The following HOOK3 variants were observed in gnomAD, a reference collection of about 807,000 sequenced individuals.
HOOK3 encodes hook microtubule tethering protein 3.
HOOK3 carries 24 observed loss-of-function variants against 116.3 expected under a neutral mutation model. The ratio of observed to expected loss-of-function variants is 0.21; its 90% CI spans 0.15 to 0.29. The LOEUF (loss-of-function observed/expected upper bound fraction) is 0.29. HOOK3 is among the 10% of genes least tolerant of loss of function. HOOK3 has a pLI of 1.00. For synonymous variants in HOOK3, 275 were observed against 283.0 expected, an observed-to-expected ratio of 0.97 and a Z score of 0.28; for missense variants, 632 against 830.2, an observed-to-expected ratio of 0.76 and a Z score of 2.93.
intron 8 of HOOK3, among the ~76,000 whole-genome samples, chr8:42,963,957 C>G (rs2130420351): frequency 6.6e-6 from 1 of 152,340 alleles, no homozygotes; most frequent in East Asian, 1.9e-4. Context: ...CCTGTAATCC[C>G]AGCACTTTGG....
intron 2 of HOOK3, among the ~76,000 whole-genome samples, chr8:42,924,933 A>G (rs1056420014): frequency 6.6e-6 from 1 of 151,620 alleles, no homozygotes; most frequent in Non-Finnish European, 1.5e-5. Flanking sequence ...AGATCACACC[A>G]TTGCACTCCA....
At position 42,897,068 on chromosome 8, in the gene HOOK3, C is replaced by A. The variant is rs1004791376; in HGVS notation, c.-64C>A. 8.4e-7 allele frequency: 1 copy of A among 1,190,564 alleles called. No homozygotes were observed. Among genetic ancestry groups the A allele is most frequent in the South Asian group, 4.2e-5 (1 of 23,536 alleles). 73.8% of individuals were successfully genotyped at this position (1,190,564 alleles called of 1,614,324 possible). ...GAGTCAGCTGCGCGGGCCCCCGGAT[C>A]CCCCGACAGAGCGGCGGCGGTGTCT... On this transcript the variant is annotated 5_prime_UTR_variant, in exon 1 of 22. Transcript: ENST00000307602.
At chr8:43,000,258 G>A (rs1490055789) in intron 16 of HOOK3, 7 of 1,285,912 alleles carry the variant, frequency 5.4e-6, no homozygotes, top group Non-Finnish European at 7.1e-6. Context: ...TCTTGGCATG[G>A]TTTCTGCTCA....
intron 2 of HOOK3, among the ~76,000 whole-genome samples, chr8:42,911,458 A>G (rs545326561): frequency 6.6e-6 from 1 of 152,308 alleles, no homozygotes; most frequent in South Asian, 2.1e-4. Flanking sequence ...CTCAAAAAAA[A>G]GACATAATCT....
chr8:43,005,941 C>A (rs1586631380), intron 17 of HOOK3, among the ~76,000 whole-genome samples: 1 of 149,488 alleles, frequency 6.7e-6, no homozygotes, highest in Non-Finnish European at 1.5e-5. Context: ...GTGATCCACC[C>A]GCCTTGGCCT....
rs1809802609 is a variant in HOOK3, at chr8:43,020,430, G to T, written c.*1932G>T. On this transcript the variant is annotated 3_prime_UTR_variant, in exon 22 of 22. Transcript: ENST00000307602. ...GATCCAACTATTTTTAAAGCAAATT[G>T]GGGCCAGACGTGGTGCCTCACGCCT... is the stretch of plus-strand genomic sequence containing the variant. The T allele has an allele frequency of 1.1e-5, 2 of 188,644 alleles. No individual in the cohort carries two copies. The highest frequency in any genetic ancestry group is 3.9e-4 in the South Asian group (2 of 5,112). The allele number at this position is 188,644 out of a possible 1,614,324, so 11.7% of individuals were successfully genotyped here.
Position 43,012,927 on chromosome 8 carries a change from T to G in HOOK3, c.1840-124T>G, listed in dbSNP as rs1190616465. The G allele has an allele frequency of 7.6e-6, 5 of 656,674 alleles. No individual in the cohort carries two copies. The East Asian group carries it at 1.5e-4, about 20-fold the overall frequency. The allele number at this position is 656,674 out of a possible 1,614,324, so 40.7% of individuals were successfully genotyped here. ...GCATTTACTTTTTAAAATACCCTTG[T>G]AAGATAACCTTTGATTTTTCATAAG... On this transcript the variant is annotated intron_variant, in intron 19 of 21. Transcript: ENST00000307602.
intron 2 of HOOK3, among the ~76,000 whole-genome samples, chr8:42,909,290 G>C (rs1157122340): frequency 6.6e-6 from 1 of 152,204 alleles, no homozygotes; most frequent in Admixed American, 6.5e-5. Flanking sequence ...TCCCACTTTT[G>C]TGTATATAGC....
intron 4 of HOOK3, among the ~76,000 whole-genome samples, chr8:42,938,074 T>A (rs999950105): frequency 6.6e-6 from 1 of 152,220 alleles, no homozygotes; most frequent in Admixed American, 6.5e-5. Flanking sequence ...TGGGTGCTCC[T>A]GTATTGGGTG....
chr8:43,003,439 TA>T (rs558088356), intron 17 of HOOK3, among the ~76,000 whole-genome samples: 73 of 150,780 alleles, frequency 4.8e-4, no homozygotes, highest in African/African-American at 1.7e-3. Flanking sequence ...TTCTGTCCTT[TA>T]AAAAAAAAAT....
chr8:42,982,684 C>A lies in HOOK3; in HGVS notation c.1379C>A (p.Thr460Lys). 6.2e-7 allele frequency: 1 copy of A among 1,610,086 alleles called. No homozygotes were observed. The highest frequency in any genetic ancestry group is 1.7e-4 in the Middle Eastern group (1 of 6,056). ...GACAGTCTAGCTGCAGAGATTGTTA[C>A]ACCTGAAATCAGGTAAGGAGATTGT... Reference protein sequence around the residue: ...SSDSLAAEIVTPEIREKLIRL... With the variant: ...SSDSLAAEIVKPEIREKLIRL... The change falls in exon 14 of 22, where the codon ACA becomes AAA. Residue 460 changes from threonine to lysine, a missense_variant. By Grantham distance (78) the Thr-to-Lys change is moderately conservative. Transcript: ENST00000307602.
intron 5 of HOOK3, among the ~76,000 whole-genome samples, chr8:42,947,291 G>C (rs1341051053): frequency 1.3e-5 from 2 of 152,150 alleles, no homozygotes; most frequent in African/African-American, 2.4e-5. Flanking sequence ...GAAGTTGATT[G>C]ATATCAGATA....
chr8:43,013,525 A>T, intron 21 of HOOK3, 125 bp downstream of exon 21: 1 of 706,128 alleles, frequency 1.4e-6, no homozygotes, highest in Non-Finnish European at 2.2e-6. Flanking sequence ...CCTAACATAC[A>T]CTAACAGAAT....
chr8:43,030,344 A>G lies in HOOK3; in HGVS notation c.*11846A>G, dbSNP rs919900321. On this transcript the variant is annotated 3_prime_UTR_variant, in exon 22 of 22. Transcript: ENST00000307602. ...ATCATTTACTCATTTTAATTTTACGACTGCCAACTTGTTACGGTATTAATT... is the reference window on the plus strand; with the variant it reads ...ATCATTTACTCATTTTAATTTTACGGCTGCCAACTTGTTACGGTATTAATT... The G allele has an allele frequency of 5.5e-6, 1 of 182,992 alleles. No individual in the cohort carries two copies. The highest frequency in any genetic ancestry group is 1.2e-5 in the Non-Finnish European group (1 of 85,980). The allele number at this position is 182,992 out of a possible 1,614,324, so 11.3% of individuals were successfully genotyped here.
rs1473393527 is a variant in HOOK3, at chr8:43,020,429, T to C, written c.*1931T>C. 1 of 188,986 alleles carries C rather than the reference T, an allele frequency of 5.3e-6. No homozygotes were observed. The highest frequency in any genetic ancestry group is 1.1e-5 in the Non-Finnish European group (1 of 89,946). 11.7% of individuals were successfully genotyped at this position (188,986 alleles called of 1,614,324 possible). A position where few individuals can be genotyped will look rare whatever the true frequency, so the allele number is the denominator to read the frequency against. Reference sequence around the variant, plus strand: ...GGATCCAACTATTTTTAAAGCAAATTGGGGCCAGACGTGGTGCCTCACGCC... The same window carrying C: ...GGATCCAACTATTTTTAAAGCAAATCGGGGCCAGACGTGGTGCCTCACGCC... On this transcript the variant is annotated 3_prime_UTR_variant, in exon 22 of 22. Coordinates refer to ENST00000307602, the MANE Select transcript of HOOK3 (RefSeq NM_032410.4).
intron 2 of HOOK3, among the ~76,000 whole-genome samples, chr8:42,911,769 T>A (rs908588024): frequency 6.6e-6 from 1 of 152,120 alleles, no homozygotes; most frequent in Non-Finnish European, 1.5e-5. Context: ...GCAAATACAC[T>A]GAAGACAGTA....
intron 1 of HOOK3, 142 bp downstream of exon 1, chr8:42,897,330 C>G: frequency 2.1e-6 from 1 of 473,198 alleles, no homozygotes; most frequent in Non-Finnish European, 3.4e-6. Context: ...CGAGGAGGCT[C>G]GGCCCAGGGT....
Position 42,930,112 on chromosome 8 carries a change from C to G in HOOK3, c.217-10C>G. The G allele has an allele frequency of 6.4e-7, 1 of 1,553,434 alleles. No individual in the cohort carries two copies. The highest frequency in any genetic ancestry group is 1.3e-5 in the South Asian group (1 of 79,686). On this transcript the variant is annotated splice_polypyrimidine_tract_variant and intron_variant, in intron 3 of 21. Transcript: ENST00000307602. ...CCTTTTACCCAGTTGTTTTCTCTCTCTTTAAACAGATAAGCAATTTAAAGA... is the reference window on the plus strand; with the variant it reads ...CCTTTTACCCAGTTGTTTTCTCTCTGTTTAAACAGATAAGCAATTTAAAGA...
At chr8:42,910,199 A>G (rs929725674) in intron 2 of HOOK3, among the ~76,000 whole-genome samples, 1 of 152,200 alleles carries the variant, frequency 6.6e-6, no homozygotes, top group Admixed American at 6.5e-5. Flanking sequence ...TAGTTTGTCA[A>G]TGTAAATTTT....
Sources: gnomAD v4.1 joint callset for allele counts (sites outside exome capture counted in the v4.1 genomes callset) on GRCh38, gnomAD v4.1.1 for gene constraint, MANE v1.5 for transcripts, NCBI Gene and HGNC (gene_info 2026-07-23, HGNC 2026-07-21) for gene names.